The following ANAPC7 variants were observed in gnomAD, a reference collection of about 807,000 sequenced individuals.
ANAPC7 encodes anaphase promoting complex subunit 7.
ANAPC7 carries 25 observed loss-of-function variants against 63.3 expected under a neutral mutation model. The ratio of observed to expected loss-of-function variants is 0.39; its 90% CI spans 0.29 to 0.55. The LOEUF (loss-of-function observed/expected upper bound fraction) is 0.55. Ranked by LOEUF, ANAPC7 falls within the 20% of genes least tolerant of loss-of-function variation. The probability of loss-of-function intolerance (pLI) is 0.57; values close to 1 mark genes in which losing one functional copy is unlikely to be tolerated. For missense variants in ANAPC7, 516 were observed against 691.7 expected (o/e 0.75, Z 2.85); for synonymous variants, 241 against 251.7 (o/e 0.96, Z 0.40).
At chr12:110,396,188 G>T in intron 2 of ANAPC7, 78 bp downstream of exon 2, 1 of 1,344,356 alleles carries the variant, frequency 7.4e-7, no homozygotes, top group Non-Finnish European at 1.0e-6. Flanking sequence ...AGGCACTGGG[G>T]CCTGGGGACC....
At chr12:110,382,590 A>T (rs1340241152) in intron 7 of ANAPC7, among the ~76,000 whole-genome samples, 1 of 147,342 alleles carries the variant, frequency 6.8e-6, no homozygotes, top group Non-Finnish European at 1.5e-5. Flanking sequence ...TTTATTTTTG[A>T]GACAAAATCT....
In ANAPC7 at chr12:110,382,910, C is replaced by T. The variant is rs1882075190; in HGVS notation, c.868G>A (p.Val290Ile). The change falls in exon 7 of 11, where the codon GTT becomes ATT. Residue 290 changes from valine to isoleucine, a missense_variant. Coordinates refer to ENST00000455511, the MANE Select transcript of ANAPC7 (RefSeq NM_016238.3). ...AAAAGGCGGCATCCAAGGTTCTCAA[C>T]ATCCTCTAGCCGCCCTTCTCGTGCC... ...LLAREGRLED[V>I]ENLGCRLFNI... is the part of the protein sequence containing the mutation. 6.2e-7 allele frequency: 1 copy of T among 1,614,092 alleles called. No individual in the cohort carries two copies. Among genetic ancestry groups the T allele is most frequent in the Non-Finnish European group, 8.5e-7 (1 of 1,179,960 alleles).
At chr12:110,392,796 GTTTT>G (rs1003327229) in intron 3 of ANAPC7, among the ~76,000 whole-genome samples, 3 of 151,932 alleles carry the variant, frequency 2.0e-5, no homozygotes, top group East Asian at 1.9e-4. Context: ...TTTTTTGTTT[GTTTT>G]TTTGTTTTTT....
intron 8 of ANAPC7, among the ~76,000 whole-genome samples, chr12:110,381,369 G>C (rs1035782832): frequency 2.6e-5 from 4 of 151,924 alleles, no homozygotes; most frequent in African/African-American, 7.3e-5. Flanking sequence ...ATGGAGTCTT[G>C]CTCTGTCGCC....
intron 7 of ANAPC7, 66 bp downstream of exon 7, chr12:110,382,777 T>G: frequency 7.3e-7 from 1 of 1,365,012 alleles, no homozygotes; most frequent in Non-Finnish European, 1.0e-6. Flanking sequence ...TTATATTCTC[T>G]TCAAGAGCAA....
At chr12:110,391,820 C>T (rs957807672) in intron 3 of ANAPC7, among the ~76,000 whole-genome samples, 1 of 152,142 alleles carries the variant, frequency 6.6e-6, no homozygotes, top group African/African-American at 2.4e-5. Context: ...CTTGGCCGGG[C>T]GTGGTGGCTC....
chr12:110,374,221 C>T lies in ANAPC7; in HGVS notation c.1621G>A (p.Glu541Lys). ...TCGCTGCCCTCCAGGTCCCCTTCTT[C>T]CCCACTCCCTTCCATGTCGTCCACA... ...EDVDDMEGSGEEGDLEGSDSE... is the reference protein window; with the variant it reads ...EDVDDMEGSGKEGDLEGSDSE... Residue 541 changes from glutamate (E) to lysine (K), a missense_variant, in exon 11 of 11, where the codon GAA becomes AAA. Physicochemically the swap from Glu to Lys is moderately conservative, Grantham distance 56 (BLOSUM62 1). Coordinates refer to ENST00000455511, the MANE Select transcript of ANAPC7 (RefSeq NM_016238.3). The T allele has an allele frequency of 6.2e-7, 1 of 1,614,124 alleles. No individual in the cohort carries two copies.
chr12:110,400,911 G>T (rs570224007), intron 1 of ANAPC7, among the ~76,000 whole-genome samples: 3 of 151,828 alleles, frequency 2.0e-5, no homozygotes, highest in Non-Finnish European at 4.4e-5. Flanking sequence ...TTAGCTGGGC[G>T]TGGTGGTGCG....
In ANAPC7 at chr12:110,382,767, T is replaced by G. The variant is rs1882063021; in HGVS notation, c.935+76A>C. 8.9e-5 allele frequency: 113 copies of G among 1,268,694 alleles called. 1 individual carries two copies. In the South Asian group the frequency reaches 1.4e-3, roughly 16 times the overall value. 78.6% of individuals were successfully genotyped at this position (1,268,694 alleles called of 1,614,324 possible). A position where few individuals can be genotyped will look rare whatever the true frequency, so the allele number is the denominator to read the frequency against. ...TACCTCTTAAACCTGTGCTTTCAAT[T>G]TATATTCTCTTCAAGAGCAACCATT... is the stretch of plus-strand genomic sequence containing the variant. On this transcript the variant is annotated intron_variant, in intron 7 of 10. Coordinates refer to ENST00000455511, the MANE Select transcript of ANAPC7 (RefSeq NM_016238.3).
At chr12:110,376,652 G>T (rs1451431604) in intron 9 of ANAPC7, among the ~76,000 whole-genome samples, 1 of 142,996 alleles carries the variant, frequency 7.0e-6, no homozygotes, top group Non-Finnish European at 1.5e-5. Flanking sequence ...AAACTGCTTT[G>T]CCAACTAGCC....
chr12:110,381,578 G>C (rs1194072951), intron 8 of ANAPC7, among the ~76,000 whole-genome samples, 174 bp downstream of exon 8: 1 of 151,858 alleles, frequency 6.6e-6, no homozygotes, highest in African/African-American at 2.4e-5. Context: ...CTCATGATCT[G>C]CCCGTCTCGG....
chr12:110,380,734 C>T (rs1387017455), intron 8 of ANAPC7, among the ~76,000 whole-genome samples: 2 of 150,432 alleles, frequency 1.3e-5, no homozygotes, highest in African/African-American at 4.9e-5. Flanking sequence ...GCGGGCGGAT[C>T]ACGAGGTCAG....
At chr12:110,379,478 G>A (rs542300911) in intron 8 of ANAPC7, among the ~76,000 whole-genome samples, 54 of 152,316 alleles carry the variant, frequency 3.5e-4, no homozygotes, top group African/African-American at 1.3e-3. Flanking sequence ...CCTGAGCTCT[G>A]GTGAAATAGG....
intron 1 of ANAPC7, among the ~76,000 whole-genome samples, chr12:110,397,568 A>AC (rs1006133059): frequency 4.0e-5 from 6 of 151,678 alleles, no homozygotes; most frequent in African/African-American, 9.7e-5. Flanking sequence ...AAAAAAAAAA[A>AC]AAAACACTAA....
intron 6 of ANAPC7, among the ~76,000 whole-genome samples, chr12:110,384,172 A>C (rs938054877): frequency 1.3e-5 from 2 of 152,110 alleles, no homozygotes; most frequent in Non-Finnish European, 2.9e-5. Flanking sequence ...ACTGCACTCC[A>C]GCCTGGGCAA....
At position 110,388,556 on chromosome 12, in the gene ANAPC7, TTA is replaced by T; in HGVS notation, c.474_475del (p.Tyr158Ter). On this transcript the variant is annotated stop_gained and frameshift_variant, in exon 4 of 11. Coordinates refer to ENST00000455511, the MANE Select transcript of ANAPC7 (RefSeq NM_016238.3). LOFTEE classifies it high-confidence loss of function. ...TAATGGGCACTGCCTCAGCACCTCCTTATAGCTGGTGACTGAAGGGCGCTCCT... is the reference window on the plus strand; with the variant it reads ...TAATGGGCACTGCCTCAGCACCTCCTTAGCTGGTGACTGAAGGGCGCTCCT... 6.2e-7 allele frequency: 1 copy of T among 1,614,194 alleles called. No homozygotes were observed. Among genetic ancestry groups the T allele is most frequent in the Non-Finnish European group, 8.5e-7 (1 of 1,180,030 alleles).
intron 3 of ANAPC7, among the ~76,000 whole-genome samples, chr12:110,389,141 C>G (rs1043088829): frequency 3.3e-5 from 5 of 151,634 alleles, no homozygotes; most frequent in African/African-American, 1.2e-4. Flanking sequence ...TTCCCTAGCT[C>G]CTGCCTTCCC....
At chr12:110,401,950 CAAAAAAAAA>C (rs747810973) in intron 1 of ANAPC7, among the ~76,000 whole-genome samples, 1 of 46,108 alleles carries the variant, frequency 2.2e-5, no homozygotes, top group African/African-American at 7.6e-5. Context: ...GACTCCGTCT[CAAAAAAAAA>C]AAAAAAAAAA....
chr12:110,376,645 C>T (rs910167156), intron 9 of ANAPC7, among the ~76,000 whole-genome samples: 1 of 138,844 alleles, frequency 7.2e-6, no homozygotes, highest in Admixed American at 7.3e-5. Flanking sequence ...AAAAGCCAAA[C>T]TGCTTTGCCA....
Sources: gnomAD v4.1 joint callset for allele counts (sites outside exome capture counted in the v4.1 genomes callset) on GRCh38, gnomAD v4.1.1 for gene constraint, MANE v1.5 for transcripts, NCBI Gene and HGNC (gene_info 2026-07-23, HGNC 2026-07-21) for gene names.